Variants in MBNL2 observed in about 807,000 individuals in gnomAD.
The protein encoded by MBNL2 is muscleblind-like protein 2.
A neutral mutation model predicts 41.9 loss-of-function variants in MBNL2; 17 were observed. The ratio of observed to expected loss-of-function variants is 0.41; its 90% confidence interval spans 0.28 to 0.61. The LOEUF (loss-of-function observed/expected upper bound fraction) is 0.61. Ranked by LOEUF, MBNL2 falls within the 20% of genes least tolerant of loss-of-function variation. The pLI is 0.35. For missense variants in MBNL2, 336 were observed against 505.6 expected (o/e 0.66, Z 3.22); for synonymous variants, 195 against 182.9 (o/e 1.07, Z -0.53).
intron 2 of MBNL2, among the ~76,000 whole-genome samples, chr13:97,302,353 C>T (rs953274708): frequency 6.6e-6 from 1 of 152,074 alleles, no homozygotes; most frequent in African/African-American, 2.4e-5. Context: ...TTATGGGGGA[C>T]CTGAATGTTG....
At chr13:97,278,251 C>CAAAAAAAAAAAA (rs10606011) in intron 2 of MBNL2, among the ~76,000 whole-genome samples, 4 of 40,530 alleles carry the variant, frequency 9.9e-5, no homozygotes, top group African/African-American at 4.5e-4. Flanking sequence ...GAGACTGTCT[C>CAAAAAAAAAAAA]AAAAAAAAAA....
chr13:97,182,053 T>C, the MBNL2 span, among the ~76,000 whole-genome samples: 2 of 152,208 alleles, frequency 1.3e-5, no homozygotes, highest in African/African-American at 4.8e-5. Flanking sequence ...ATTTTTAATT[T>C]ATTTTTTCTC....
At chr13:97,201,257 G>A in the MBNL2 span, among the ~76,000 whole-genome samples, 2 of 152,222 alleles carry the variant, frequency 1.3e-5, no homozygotes, top group African/African-American at 4.8e-5. Flanking sequence ...TAGTCCTCCT[G>A]TCTGATTCGC....
chr13:97,374,063 A>AT (rs61185219), intron 8 of MBNL2, among the ~76,000 whole-genome samples: 4,781 of 63,030 alleles, frequency 0.076, 694 homozygotes, highest in Non-Finnish European at 0.11. Flanking sequence ...CCTCCTTTGC[A>AT]TTTTTTTTTT....
At chr13:97,289,139 T>C (rs2152967899) in intron 2 of MBNL2, among the ~76,000 whole-genome samples, 1 of 152,334 alleles carries the variant, frequency 6.6e-6, no homozygotes, top group African/African-American at 2.4e-5. Flanking sequence ...AAATACATAA[T>C]GCGTCTAATT....
the MBNL2 span, among the ~76,000 whole-genome samples, chr13:97,153,182 C>T: frequency 6.6e-6 from 1 of 152,122 alleles, no homozygotes; most frequent in Non-Finnish European, 1.5e-5. Context: ...TAGTACATTA[C>T]ATGGCTCAGC....
intron 8 of MBNL2, among the ~76,000 whole-genome samples, chr13:97,371,660 C>T (rs373466975): frequency 4.6e-5 from 7 of 152,068 alleles, no homozygotes; most frequent in South Asian, 2.1e-4. Flanking sequence ...GGATTCGAGG[C>T]GGGAGAGTCT....
intron 1 of MBNL2, among the ~76,000 whole-genome samples, chr13:97,267,994 C>T (rs1208726782): frequency 6.6e-6 from 1 of 152,238 alleles, no homozygotes; most frequent in Non-Finnish European, 1.5e-5. Context: ...TGTTAAAACA[C>T]AGATTGCTCG....
intron 1 of MBNL2, among the ~76,000 whole-genome samples, chr13:97,223,484 G>A (rs1487766394): frequency 1.3e-5 from 2 of 152,088 alleles, no homozygotes; most frequent in Non-Finnish European, 2.9e-5. Context: ...GTTAGGCCTC[G>A]GAAGCATGTG....
chr13:97,290,130 T>C (rs2055526303), intron 2 of MBNL2, among the ~76,000 whole-genome samples: 2 of 152,204 alleles, frequency 1.3e-5, no homozygotes, highest in Admixed American at 1.3e-4. Flanking sequence ...CACCCAATTC[T>C]TGAATCACTA....
chr13:97,174,472 C>T, the MBNL2 span, among the ~76,000 whole-genome samples: 1 of 152,172 alleles, frequency 6.6e-6, no homozygotes, highest in Non-Finnish European at 1.5e-5. Flanking sequence ...ATAATGTCAA[C>T]CAAGTTTGGA....
rs1236600852 is a variant in MBNL2, at chr13:97,374,113, CA to C, written c.1048+8943del. 3.1e-5 allele frequency among the ~76,000 whole-genome samples: 4 copies of C among 128,658 alleles called. No homozygotes were observed. The East Asian group carries it at 9.2e-4, about 30-fold the overall frequency. 84.4% of individuals were successfully genotyped at this position (128,658 alleles called of 152,430 possible). A position where few individuals can be genotyped will look rare whatever the true frequency, so the allele number is the denominator to read the frequency against. On this transcript the variant is annotated intron_variant, in intron 8 of 8. Coordinates refer to ENST00000679496, the MANE Select transcript of MBNL2 (RefSeq NM_001382683.1). ...TTTTTGAGATGGAGCCTCGCCCTGT[CA>C]CCTACGCTGGAGTGCAATGGTGCAA...
intron 1 of MBNL2, among the ~76,000 whole-genome samples, chr13:97,250,178 A>G (rs565211587): frequency 1.3e-5 from 2 of 152,304 alleles, no homozygotes; most frequent in South Asian, 4.1e-4. Context: ...TGACTTCCAT[A>G]TCTGCCAATA....
At chr13:97,241,351 T>C (rs1318280470) in intron 1 of MBNL2, among the ~76,000 whole-genome samples, 1 of 152,106 alleles carries the variant, frequency 6.6e-6, no homozygotes, top group East Asian at 1.9e-4. Flanking sequence ...ACAGAGTCCA[T>C]TTGATCAGCA....
At chr13:97,300,601 G>A (rs887376053) in intron 2 of MBNL2, among the ~76,000 whole-genome samples, 7 of 152,128 alleles carry the variant, frequency 4.6e-5, no homozygotes, top group Admixed American at 1.3e-4. Flanking sequence ...CTCAGAGTCC[G>A]TAATACCTCC....
the MBNL2 span, among the ~76,000 whole-genome samples, chr13:97,145,153 G>C: frequency 3.9e-5 from 6 of 152,138 alleles, no homozygotes; most frequent in South Asian, 2.1e-4. Context: ...ATCAGCCTGG[G>C]TCCCTGAACA....
chr13:97,170,638 G>A, the MBNL2 span, among the ~76,000 whole-genome samples: 1 of 152,052 alleles, frequency 6.6e-6, no homozygotes, highest in South Asian at 2.1e-4. Context: ...TTCTGGGTGG[G>A]GGCACAGAAG....
the MBNL2 span, among the ~76,000 whole-genome samples, chr13:97,162,090 G>C: frequency 5.4e-3 from 817 of 152,272 alleles, 7 homozygotes; most frequent in African/African-American, 0.018. Flanking sequence ...AGGAAGAGGA[G>C]AGAGAAGGTG....
chr13:97,158,083 G>T, the MBNL2 span, among the ~76,000 whole-genome samples: 1 of 151,650 alleles, frequency 6.6e-6, no homozygotes, highest in Admixed American at 6.6e-5. Flanking sequence ...TCCTGTTATT[G>T]GTCTATTCAG....
Sources: allele counts gnomAD v4.1 joint callset (sites outside exome capture counted in the v4.1 genomes callset), GRCh38; gene constraint gnomAD v4.1.1; transcripts MANE v1.5; gene names NCBI Gene and HGNC (gene_info 2026-07-23, HGNC 2026-07-21).